The following MACROD2 variants were observed in gnomAD, a reference collection of about 807,000 sequenced individuals.
MACROD2 encodes ADP-ribose glycohydrolase MACROD2.
Under a neutral mutation model 70.4 loss-of-function variants are expected in MACROD2, and 36 were observed. The observed-to-expected ratio is 0.51, with a 90% confidence interval of 0.39 to 0.68. The LOEUF (loss-of-function observed/expected upper bound fraction) is 0.68, where lower values mean the gene tolerates loss of function less well. MACROD2 is among the 30% of genes least tolerant of loss of function. The pLI is 0.00. For synonymous variants in MACROD2, 172 were observed against 178.8 expected, an observed-to-expected ratio of 0.96 and a Z score of 0.30; for missense variants, 496 against 538.4, an observed-to-expected ratio of 0.92 and a Z score of 0.78.
intron 3 of MACROD2, among the ~76,000 whole-genome samples, chr20:14,422,670 C>G (rs1235558804): frequency 6.6e-6 from 1 of 152,142 alleles, no homozygotes; most frequent in Non-Finnish European, 1.5e-5. Flanking sequence ...TGGTCACATA[C>G]AAAACTGCCT....
chr20:15,391,005 G>T (rs577561924), intron 6 of MACROD2, among the ~76,000 whole-genome samples: 3 of 152,130 alleles, frequency 2.0e-5, no homozygotes, highest in African/African-American at 7.2e-5. Context: ...ATCCCAGGGG[G>T]TTCAACAGCA....
intron 5 of MACROD2, among the ~76,000 whole-genome samples, chr20:15,072,828 T>C (rs1416168137): frequency 6.6e-6 from 1 of 152,220 alleles, no homozygotes; most frequent in Admixed American, 6.5e-5. Context: ...ATAATTTGAA[T>C]GTGTCCCCCA....
chr20:15,893,898 G>GAAGAA (rs1402992467), intron 10 of MACROD2: 3 of 456,738 alleles, frequency 6.6e-6, no homozygotes, highest in Non-Finnish European at 1.3e-5. Flanking sequence ...TGAAAGGAGA[G>GAAGAA]AAGAAAAGAA....
chr20:14,929,220 A>G lies in MACROD2; in HGVS notation c.418+244261A>G, dbSNP rs6042997. 1.8e-3 allele frequency among the ~76,000 whole-genome samples: 272 copies of G among 152,298 alleles called. 1 individual carries two copies. Among genetic ancestry groups the G allele is most frequent in the African/African-American group, 6.1e-3 (255 of 41,552 alleles). On this transcript the variant is annotated intron_variant, in intron 5 of 17. Coordinates refer to ENST00000684519, the MANE Select transcript of MACROD2 (RefSeq NM_001351661.2). The stretch of plus-strand genomic sequence containing the variant: ...CACAGACCCCACAGTTTAAGGAATC[A>G]GTCCCACAGACTGCTCCACTTCAGA...
At chr20:14,068,937 G>C (rs1459247865) in intron 2 of MACROD2, among the ~76,000 whole-genome samples, 1 of 151,988 alleles carries the variant, frequency 6.6e-6, no homozygotes, top group African/African-American at 2.4e-5. Context: ...CTTTTAAATG[G>C]CTTTTTTTTG....
chr20:14,738,072 C>T (rs1470638121), intron 5 of MACROD2, among the ~76,000 whole-genome samples: 1 of 122,710 alleles, frequency 8.1e-6, no homozygotes, highest in African/African-American at 3.1e-5. Flanking sequence ...TTTTTCTCAA[C>T]ATATTCTATC....
chr20:14,655,628 A>G (rs1041901848), intron 4 of MACROD2, among the ~76,000 whole-genome samples: 1 of 152,140 alleles, frequency 6.6e-6, no homozygotes, highest in African/African-American at 2.4e-5. Context: ...TTAACTTTCT[A>G]CAAATAATTT....
At chr20:15,387,475 G>C (rs769237603) in intron 6 of MACROD2, among the ~76,000 whole-genome samples, 4 of 148,920 alleles carry the variant, frequency 2.7e-5, no homozygotes, top group Non-Finnish European at 5.9e-5. Flanking sequence ...CTCTTTCACT[G>C]TCTCTCTTTC....
At chr20:14,854,746 A>G (rs1052845817) in intron 5 of MACROD2, among the ~76,000 whole-genome samples, 21 of 152,136 alleles carry the variant, frequency 1.4e-4, no homozygotes, top group Non-Finnish European at 3.1e-4. Flanking sequence ...GCCGGGCACG[A>G]TGGCTCACGC....
intron 4 of MACROD2, among the ~76,000 whole-genome samples, chr20:14,633,913 A>T (rs1984645354): frequency 6.6e-6 from 1 of 152,134 alleles, no homozygotes; most frequent in African/African-American, 2.4e-5. Context: ...CTGAAACACT[A>T]CCATGGCCAT....
chr20:15,630,295 C>G (rs1013847434), intron 8 of MACROD2, among the ~76,000 whole-genome samples: 1 of 152,192 alleles, frequency 6.6e-6, no homozygotes, highest in Non-Finnish European at 1.5e-5. Flanking sequence ...CTTCTGTGCT[C>G]TCTGCATTTG....
intron 5 of MACROD2, among the ~76,000 whole-genome samples, chr20:15,191,626 G>C (rs1050588851): frequency 1.3e-5 from 2 of 152,146 alleles, no homozygotes; most frequent in African/African-American, 4.8e-5. Flanking sequence ...AACGACAAAT[G>C]AATCCCAGGC....
chr20:14,248,620 A>G (rs1383007175), intron 3 of MACROD2, among the ~76,000 whole-genome samples: 2 of 152,048 alleles, frequency 1.3e-5, no homozygotes, highest in Non-Finnish European at 1.5e-5. Flanking sequence ...ATATTGTGTA[A>G]AATTACCCTC....
chr20:14,734,341 A>G (rs1261725781), intron 5 of MACROD2, among the ~76,000 whole-genome samples: 3 of 152,036 alleles, frequency 2.0e-5, no homozygotes, highest in Admixed American at 6.5e-5. Context: ...TACTAAAAAT[A>G]CGAAAAAAAA....
intron 3 of MACROD2, among the ~76,000 whole-genome samples, chr20:14,342,823 C>T (rs992173374): frequency 1.3e-5 from 2 of 152,102 alleles, no homozygotes; most frequent in African/African-American, 2.4e-5. Flanking sequence ...TCTGTCATTA[C>T]AGGACTTGAA....
chr20:14,234,936 G>A (rs774672015), intron 3 of MACROD2, among the ~76,000 whole-genome samples: 6 of 152,036 alleles, frequency 3.9e-5, no homozygotes, highest in South Asian at 4.1e-4. Context: ...TTAATGAACC[G>A]TTTATTATGT....
At chr20:14,280,245 T>C (rs2082296068) in intron 3 of MACROD2, among the ~76,000 whole-genome samples, 1 of 152,148 alleles carries the variant, frequency 6.6e-6, no homozygotes, top group African/African-American at 2.4e-5. Context: ...ACATATATAA[T>C]GATAGGCCAA....
chr20:15,719,695 C>T lies in MACROD2; in HGVS notation c.646-143050C>T, dbSNP rs181449577. 1.2e-3 allele frequency among the ~76,000 whole-genome samples: 181 copies of T among 151,864 alleles called. 1 individual carries two copies. The highest frequency in any genetic ancestry group is 0.01 in the Admixed American group (160 of 15,256). On this transcript the variant is annotated intron_variant, in intron 8 of 17. Transcript: ENST00000684519. Reference sequence around the variant, plus strand: ...GACACATAATAATTGTACATATTTACGGGGTACAGTGTGATGTTTTGATAC... The same window carrying T: ...GACACATAATAATTGTACATATTTATGGGGTACAGTGTGATGTTTTGATAC...
At chr20:14,574,936 G>C (rs1003680295) in intron 4 of MACROD2, among the ~76,000 whole-genome samples, 4 of 145,578 alleles carry the variant, frequency 2.7e-5, no homozygotes, top group African/African-American at 1.0e-4. Context: ...GCGTGAACCC[G>C]GGAAGCGGAG....
Sources: gnomAD v4.1 joint callset for allele counts (sites outside exome capture counted in the v4.1 genomes callset) on GRCh38, gnomAD v4.1.1 for gene constraint, MANE v1.5 for transcripts, NCBI Gene and HGNC (gene_info 2026-07-23, HGNC 2026-07-21) for gene names.